KAT6B: variants seen among roughly 807,000 people sequenced by gnomAD.
The protein encoded by KAT6B is lysine acetyltransferase 6B, also known as histone acetyltransferase KAT6B.
A neutral mutation model predicts 187.5 loss-of-function variants in KAT6B; 10 were observed. That is an observed-to-expected ratio of 0.05 (90% CI 0.03 to 0.09). The LOEUF (loss-of-function observed/expected upper bound fraction) is 0.09. KAT6B is among the 10% of genes least tolerant of loss of function. The pLI is 1.00. For synonymous variants in KAT6B, 861 were observed against 926.8 expected (o/e 0.93, Z 1.29); for missense variants, 1,952 against 2,558.9 (o/e 0.76, Z 5.12).
intron 13 of KAT6B, chr10:75,003,079 C>T (rs1843961619): frequency 6.6e-6 from 1 of 152,348 alleles, no homozygotes; most frequent in Admixed American, 6.5e-5. Flanking sequence ...TAGGTATGCC[C>T]TGTCTTCTTT....
chr10:75,016,397 C>T (rs751472036), intron 13 of KAT6B, among the ~76,000 whole-genome samples: 5 of 152,222 alleles, frequency 3.3e-5, no homozygotes, highest in Non-Finnish European at 5.9e-5. Context: ...AAGCAGACAT[C>T]TTGACAATCC....
chr10:74,934,630 TC>T (rs1849112704), intron 3 of KAT6B, among the ~76,000 whole-genome samples: 1 of 152,148 alleles, frequency 6.6e-6, no homozygotes, highest in Admixed American at 6.6e-5. Flanking sequence ...TCCAGTCTTC[TC>T]CCTCCATTCA....
chr10:74,984,143 A>G (rs573022155), intron 11 of KAT6B: 38 of 152,272 alleles, frequency 2.5e-4, no homozygotes, highest in African/African-American at 8.9e-4. Context: ...CCCATTGCCC[A>G]TATTTGATTG....
Position 75,030,818 on chromosome 10 carries a change from C to T in KAT6B, c.5994C>T (p.Ser1998=). 1 of 1,614,182 alleles carries T rather than the reference C, an allele frequency of 6.2e-7. No individual in the cohort carries two copies. The highest frequency in any genetic ancestry group is 8.5e-7 in the Non-Finnish European group (1 of 1,180,026). ...ACGCCATGAATGGGTACAGCATGTC[C>T]CAGCCAATGATGAACAGTGGCTACC... ...TLNAMNGYSM[S]QPMMNSGYHS... is the part of the protein sequence containing the mutation. The change falls in exon 18 of 18, where the codon TCC becomes TCT. Residue 1998 remains serine (S), a synonymous_variant. Transcript: ENST00000287239. This position sits in a 1 kb window ranked among gnomAD's most constrained non-coding sequence, Gnocchi z 4.8.
chr10:74,829,033 A>G (rs907909047), intron 1 of KAT6B, among the ~76,000 whole-genome samples: 12 of 151,576 alleles, frequency 7.9e-5, no homozygotes, highest in African/African-American at 2.7e-4. Flanking sequence ...AGAAAAGAAA[A>G]GAGAGAGACA....
chr10:74,918,613 G>A (rs2133028667), intron 3 of KAT6B, among the ~76,000 whole-genome samples: 1 of 152,118 alleles, frequency 6.6e-6, no homozygotes, highest in South Asian at 2.1e-4. Context: ...TGTGGTGGTG[G>A]GCCCTTGTAA....
chr10:75,020,866 A>G, intron 14 of KAT6B, 53 bp downstream of exon 14: 3 of 1,464,836 alleles, frequency 2.0e-6, no homozygotes, highest in Admixed American at 1.7e-5. Flanking sequence ...CACACCAGAA[A>G]GGGTCCCTGG....
intron 3 of KAT6B, among the ~76,000 whole-genome samples, chr10:74,944,215 C>G (rs564996378): frequency 1.2e-4 from 18 of 152,260 alleles, no homozygotes; most frequent in African/African-American, 4.3e-4. Flanking sequence ...CTGATGGTGC[C>G]TTTTTATTTC....
At chr10:74,940,753 C>T (rs1377199705) in intron 3 of KAT6B, among the ~76,000 whole-genome samples, 2 of 152,018 alleles carry the variant, frequency 1.3e-5, no homozygotes, top group Admixed American at 6.6e-5. Context: ...GCCTTTCCCC[C>T]ATTTTTAAAA....
At chr10:74,878,727 A>G (rs895490537) in intron 3 of KAT6B, among the ~76,000 whole-genome samples, 1 of 152,056 alleles carries the variant, frequency 6.6e-6, no homozygotes, top group Non-Finnish European at 1.5e-5. Context: ...GAAAGTAGGG[A>G]AGACATTTTA....
chr10:74,978,964 G>A (rs543169741), intron 9 of KAT6B, among the ~76,000 whole-genome samples: 14 of 152,170 alleles, frequency 9.2e-5, no homozygotes, highest in Non-Finnish European at 1.3e-4. Flanking sequence ...TAGGGTATTC[G>A]TTTGCTGTGA....
intron 3 of KAT6B, among the ~76,000 whole-genome samples, chr10:74,879,561 C>T (rs1844696983): frequency 6.6e-6 from 1 of 152,156 alleles, no homozygotes; most frequent in Admixed American, 6.5e-5. Flanking sequence ...GATCTTAGGG[C>T]TACTATATTA....
intron 3 of KAT6B, among the ~76,000 whole-genome samples, chr10:74,933,275 G>A (rs1406502682): frequency 6.6e-6 from 1 of 152,230 alleles, no homozygotes; most frequent in Non-Finnish European, 1.5e-5. Context: ...CTAGACATAA[G>A]TAACTCATGA....
intron 3 of KAT6B, among the ~76,000 whole-genome samples, chr10:74,853,681 G>A (rs1363232731): frequency 1.4e-5 from 2 of 144,968 alleles, no homozygotes; most frequent in African/African-American, 5.2e-5. Flanking sequence ...AGGCTGGAGT[G>A]TAGTGGCATG....
intron 3 of KAT6B, among the ~76,000 whole-genome samples, chr10:74,892,610 G>C (rs918498287): frequency 6.6e-6 from 1 of 152,142 alleles, no homozygotes; most frequent in Admixed American, 6.5e-5. Flanking sequence ...GGAACTCTTA[G>C]GGGTAGGGAG....
At chr10:74,828,406 A>T (rs1840438190) in intron 1 of KAT6B, among the ~76,000 whole-genome samples, 1 of 151,784 alleles carries the variant, frequency 6.6e-6, no homozygotes, top group East Asian at 1.9e-4. Flanking sequence ...AATGGAAATT[A>T]GTTGTGTTCG....
intron 11 of KAT6B, chr10:74,983,160 C>T (rs1316132604): frequency 6.6e-6 from 1 of 152,208 alleles, no homozygotes; most frequent in Non-Finnish European, 1.5e-5. Flanking sequence ...TTAGTTCTTA[C>T]TAAAAGCTAG....
intron 1 of KAT6B, among the ~76,000 whole-genome samples, chr10:74,832,293 A>G (rs916972209): frequency 6.6e-6 from 1 of 152,104 alleles, no homozygotes; most frequent in Non-Finnish European, 1.5e-5. Flanking sequence ...TCCTGTAATA[A>G]TCTCTCTTTC....
intron 3 of KAT6B, among the ~76,000 whole-genome samples, chr10:74,852,784 G>A (rs1417945513): frequency 2.6e-5 from 4 of 152,168 alleles, no homozygotes; most frequent in African/African-American, 2.4e-5. Context: ...TTGGATCTTA[G>A]ATAGATTTGA....
Sources: gnomAD v4.1 joint callset for allele counts (sites outside exome capture counted in the v4.1 genomes callset) on GRCh38, gnomAD v4.1.1 for gene constraint, Gnocchi (gnomAD v3.1) non-coding constraint, MANE v1.5 for transcripts, NCBI Gene and HGNC (gene_info 2026-07-23, HGNC 2026-07-21) for gene names.